The following CSMD3 variants were observed in gnomAD, a reference collection of about 807,000 sequenced individuals.
CSMD3 encodes CUB and Sushi multiple domains 3.
In CSMD3, 177 loss-of-function variants were observed where a neutral mutation model predicts 435.2. The observed-to-expected ratio is 0.41, with a 90% CI of 0.36 to 0.46. The LOEUF (loss-of-function observed/expected upper bound fraction) is 0.46. Among genes scored for constraint, CSMD3 ranks in the 20% least tolerant of loss-of-function variants. The pLI, the probability that CSMD3 is intolerant of heterozygous loss-of-function variation, is 0.34. For synonymous variants in CSMD3, 1,656 were observed against 1,520.5 expected (o/e 1.09, Z -2.07); for missense variants, 4,265 against 4,504.6 (o/e 0.95, Z 1.52).
chr8:113,404,178 T>A (rs1194345224), intron 1 of CSMD3, among the ~76,000 whole-genome samples: 1 of 151,468 alleles, frequency 6.6e-6, no homozygotes, highest in East Asian at 1.9e-4. Flanking sequence ...TTGTATGTAC[T>A]ATATGAATAA....
intron 17 of CSMD3, among the ~76,000 whole-genome samples, chr8:112,662,292 C>A (rs2075402405): frequency 6.6e-6 from 1 of 152,236 alleles, no homozygotes; most frequent in Admixed American, 6.5e-5. Context: ...GCTACAGTAA[C>A]CAAAACAGCA....
intron 2 of CSMD3, among the ~76,000 whole-genome samples, chr8:113,305,385 T>C (rs2093811874): frequency 6.6e-6 from 1 of 152,226 alleles, no homozygotes; most frequent in South Asian, 2.1e-4. Flanking sequence ...TATTAAATAT[T>C]TTTAGTCAAT....
intron 31 of CSMD3, among the ~76,000 whole-genome samples, chr8:112,490,754 AT>A (rs1473114631): frequency 2.0e-5 from 3 of 152,018 alleles, no homozygotes; most frequent in African/African-American, 7.2e-5. Flanking sequence ...TATGTTTAAT[AT>A]TTTTTTCTAG....
intron 5 of CSMD3, among the ~76,000 whole-genome samples, chr8:113,083,070 G>T (rs912025175): frequency 1.3e-5 from 2 of 152,132 alleles, no homozygotes; most frequent in South Asian, 2.1e-4. Flanking sequence ...GAGAGAACTA[G>T]ACATCCAGAT....
intron 11 of CSMD3, among the ~76,000 whole-genome samples, chr8:112,850,898 G>A (rs2080464953): frequency 6.6e-6 from 1 of 152,084 alleles, no homozygotes; most frequent in Non-Finnish European, 1.5e-5. Flanking sequence ...TCCAGCATAT[G>A]GTCAAAATAG....
intron 3 of CSMD3, among the ~76,000 whole-genome samples, chr8:113,223,326 TA>T (rs925203836): frequency 1.3e-5 from 2 of 150,466 alleles, no homozygotes; most frequent in Non-Finnish European, 3.0e-5. Flanking sequence ...TGTTCTGATA[TA>T]AAATAATATG....
chr8:112,970,158 A>G (rs1394657857), intron 7 of CSMD3, among the ~76,000 whole-genome samples: 1 of 152,084 alleles, frequency 6.6e-6, no homozygotes, highest in Non-Finnish European at 1.5e-5. Flanking sequence ...GAAATCCAGG[A>G]AAATTTACTT....
At position 112,361,453 on chromosome 8, in the gene CSMD3, T is replaced by C. The variant is rs182885631; in HGVS notation, c.6137-8919A>G. 5.7e-3 allele frequency among the ~76,000 whole-genome samples: 867 copies of C among 151,074 alleles called. 8 individuals are homozygous for C. Among genetic ancestry groups the C allele is most frequent in the Non-Finnish European group, 0.01 (684 of 67,530 alleles). ...ATAATCAAAACGTATTATTTCCAAT[T>C]CTGTTCACAAAGCAATCAATCAATC... On this transcript the variant is annotated intron_variant, in intron 38 of 70. Coordinates refer to ENST00000297405, the MANE Select transcript of CSMD3 (RefSeq NM_198123.2).
At chr8:113,025,208 T>C (rs1020714181) in intron 5 of CSMD3, among the ~76,000 whole-genome samples, 1 of 152,180 alleles carries the variant, frequency 6.6e-6, no homozygotes, top group Non-Finnish European at 1.5e-5. Flanking sequence ...TATGCGTATA[T>C]CTGTGCATCT....
intron 22 of CSMD3, among the ~76,000 whole-genome samples, chr8:112,595,183 G>A (rs1249127798): frequency 6.7e-6 from 1 of 150,214 alleles, no homozygotes; most frequent in Non-Finnish European, 1.5e-5. Flanking sequence ...AGCTGATGGA[G>A]CTGAAAACCA....
intron 6 of CSMD3, among the ~76,000 whole-genome samples, chr8:112,998,072 G>A (rs1225128456): frequency 1.3e-5 from 2 of 151,298 alleles, no homozygotes; most frequent in Admixed American, 6.6e-5. Flanking sequence ...CTATTCTACA[G>A]AATGATTTAT....
chr8:112,925,912 T>C (rs1197136276), intron 9 of CSMD3, among the ~76,000 whole-genome samples: 1 of 152,210 alleles, frequency 6.6e-6, no homozygotes, highest in African/African-American at 2.4e-5. Flanking sequence ...GAATCCAAAC[T>C]GCCAAGATGG....
chr8:112,410,700 GTGTATATATATATA>G lies in CSMD3; in HGVS notation c.5396-1682_5396-1669del, dbSNP rs1811227290. ...TGTATATATATATGTATATATATATGTGTATATATATATATGTATATATATAGGAAAGGTTTTGT... is the reference window on the plus strand; with the variant it reads ...TGTATATATATATGTATATATATATGTGTATATATATAGGAAAGGTTTTGT... On this transcript the variant is annotated intron_variant, in intron 32 of 70. Coordinates refer to ENST00000297405, the MANE Select transcript of CSMD3 (RefSeq NM_198123.2). 1.2e-4 allele frequency among the ~76,000 whole-genome samples: 15 copies of G among 125,060 alleles called. 1 individual carries two copies. Among genetic ancestry groups the G allele is most frequent in the South Asian group, 2.6e-4 (1 of 3,876 alleles). 82.0% of individuals were successfully genotyped at this position (125,060 alleles called of 152,430 possible).
At chr8:112,237,088 A>G in intron 67 of CSMD3, 102 bp downstream of exon 67, 1 of 1,347,590 alleles carries the variant, frequency 7.4e-7, no homozygotes, top group Non-Finnish European at 1.1e-6. Flanking sequence ...AAATGTATCA[A>G]AATAAACATT....
At chr8:112,896,269 A>T (rs1288502159) in intron 10 of CSMD3, among the ~76,000 whole-genome samples, 1 of 151,434 alleles carries the variant, frequency 6.6e-6, no homozygotes, top group Non-Finnish European at 1.5e-5. Context: ...ATCAGCCAGC[A>T]TCAACTCCAG....
At chr8:113,148,767 T>C (rs969290304) in intron 4 of CSMD3, among the ~76,000 whole-genome samples, 2 of 151,842 alleles carry the variant, frequency 1.3e-5, no homozygotes, top group East Asian at 2.0e-4. Flanking sequence ...GGTTTCTTCA[T>C]GCATGTTACA....
In CSMD3 at chr8:113,098,927, C is replaced by T. The variant is rs73701331; in HGVS notation, c.746G>A (p.Ser249Asn). The T allele has an allele frequency of 1.5e-3, 2,373 of 1,612,158 alleles. 30 individuals are homozygous for T. The African/African-American group carries it at 0.028, about 19-fold the overall frequency. The change falls in exon 5 of 71, where the codon AGT becomes AAT. Residue 249 changes from serine to asparagine, a missense_variant. By Grantham distance (46) the Ser-to-Asn change is conservative. Around this residue, in one of 3 missense-constraint regions of CSMD3, gnomAD observed 731 missense variants for 755.4 expected, o/e 0.97. Transcript: ENST00000297405. ...DACGGTMRGS[S>N]GIISSPSFPN... ...AAAACTAGGGCTGGATATGATGCCA[C>T]TGGATCCTCTCATTGTTCCTCCACA...
At chr8:112,414,406 C>T (rs931603743) in intron 32 of CSMD3, among the ~76,000 whole-genome samples, 2 of 152,148 alleles carry the variant, frequency 1.3e-5, no homozygotes, top group Admixed American at 1.3e-4. Flanking sequence ...TGTCCTGCTG[C>T]CACATGAAGA....
chr8:113,433,555 A>T (rs2094688054), intron 1 of CSMD3, among the ~76,000 whole-genome samples: 1 of 152,234 alleles, frequency 6.6e-6, no homozygotes, highest in African/African-American at 2.4e-5. Context: ...GAGCACGCAG[A>T]AACGTGGATC....
Sources: allele counts gnomAD v4.1 joint callset (sites outside exome capture counted in the v4.1 genomes callset), GRCh38; gene constraint gnomAD v4.1.1; regional missense constraint gnomAD v4.1.1; transcripts MANE v1.5; gene names NCBI Gene and HGNC (gene_info 2026-07-23, HGNC 2026-07-21).